The following UNC5C variants were observed in gnomAD, a reference collection of about 807,000 sequenced individuals.
UNC5C encodes netrin receptor UNC5C.
Under a neutral mutation model 99.8 loss-of-function variants are expected in UNC5C, and 47 were observed. That is an observed-to-expected ratio of 0.47 (90% CI 0.37 to 0.60). The LOEUF is 0.60. Among genes scored for constraint, UNC5C ranks in the 20% least tolerant of loss-of-function variants. The pLI is 0.00. For synonymous variants in UNC5C, 487 were observed against 452.2 expected, an observed-to-expected ratio of 1.08 and a Z score of -0.98; for missense variants, 1,062 against 1,165.9, an observed-to-expected ratio of 0.91 and a Z score of 1.30.
chr4:95,314,216 G>A (rs1196671074), intron 2 of UNC5C, among the ~76,000 whole-genome samples: 1 of 152,168 alleles, frequency 6.6e-6, no homozygotes, highest in South Asian at 2.1e-4. Context: ...ATTTTCAGTG[G>A]ACTCGGGCAA....
At chr4:95,310,026 T>A (rs1048365824) in intron 2 of UNC5C, among the ~76,000 whole-genome samples, 1 of 152,140 alleles carries the variant, frequency 6.6e-6, no homozygotes, top group Admixed American at 6.6e-5. Context: ...AGCCAAGACA[T>A]GGGATTAACC....
rs543320888 is a variant in UNC5C, at chr4:95,467,286, C to T, written c.124+81448G>A. 3.9e-5 allele frequency among the ~76,000 whole-genome samples: 6 copies of T among 152,110 alleles called. No individual in the cohort carries two copies. The South Asian group carries it at 1.2e-3, about 32-fold the overall frequency. On this transcript the variant is annotated intron_variant, in intron 1 of 15. Transcript: ENST00000453304. ...AATGTTGGGGTAATTTGTTACGCAGCAATAGATAATGAATGCAATCACTTT... is the reference window on the plus strand; with the variant it reads ...AATGTTGGGGTAATTTGTTACGCAGTAATAGATAATGAATGCAATCACTTT...
chr4:95,371,759 C>T (rs1209315607), intron 1 of UNC5C, among the ~76,000 whole-genome samples: 1 of 152,114 alleles, frequency 6.6e-6, no homozygotes, highest in Non-Finnish European at 1.5e-5. Context: ...CTCACAGTAG[C>T]ATAAAGGACA....
chr4:95,287,095 T>C (rs1741265191), intron 3 of UNC5C, among the ~76,000 whole-genome samples: 1 of 152,152 alleles, frequency 6.6e-6, no homozygotes, highest in African/African-American at 2.4e-5. Context: ...CCCAGAGCCT[T>C]TTGCTTCTGA....
intron 3 of UNC5C, among the ~76,000 whole-genome samples, chr4:95,287,869 A>G (rs907296473): frequency 6.6e-6 from 1 of 152,166 alleles, no homozygotes; most frequent in Non-Finnish European, 1.5e-5. Flanking sequence ...AAATTTAAAA[A>G]ATACTTTGAG....
At chr4:95,367,207 A>AG (rs1744600986) in intron 1 of UNC5C, among the ~76,000 whole-genome samples, 1 of 149,204 alleles carries the variant, frequency 6.7e-6, no homozygotes, top group Non-Finnish European at 1.5e-5. Context: ...TTTTTTTCAA[A>AG]GAAAAATCCA....
chr4:95,368,634 G>A (rs2149437819), intron 1 of UNC5C, among the ~76,000 whole-genome samples: 1 of 152,196 alleles, frequency 6.6e-6, no homozygotes, highest in Middle Eastern at 3.4e-3. Flanking sequence ...TCCAAATCAA[G>A]TGTTTGAGAT....
chr4:95,291,292 C>T (rs1027258827), intron 3 of UNC5C, among the ~76,000 whole-genome samples: 49 of 152,116 alleles, frequency 3.2e-4, no homozygotes, highest in Admixed American at 3.2e-3. Flanking sequence ...AATATGCCAA[C>T]TTTATGGATG....
At chr4:95,180,896 GT>G (rs1736585212) in intron 14 of UNC5C, among the ~76,000 whole-genome samples, 1 of 152,098 alleles carries the variant, frequency 6.6e-6, no homozygotes, top group African/African-American at 2.4e-5. Context: ...TTCTCTACTT[GT>G]TTATGGTTTG....
intron 4 of UNC5C, among the ~76,000 whole-genome samples, chr4:95,252,109 G>C (rs182085963): frequency 1.1e-4 from 17 of 152,184 alleles, no homozygotes; most frequent in South Asian, 2.1e-4. Flanking sequence ...GAGTATCTCT[G>C]AGATATATAC....
rs151093843 is a variant in UNC5C at position 95,200,168 on chromosome 4, C to T, written c.2136+2563G>A. 2.4e-3 allele frequency among the ~76,000 whole-genome samples: 369 copies of T among 152,322 alleles called. 2 individuals carry two copies. The highest frequency in any genetic ancestry group is 4.3e-3 in the Non-Finnish European group (293 of 68,038). ...GCTTCCCAGTGGACTTATCCTGGAACGCTCAGTGTTCATAACCAAGTACTA... is the reference window on the plus strand; with the variant it reads ...GCTTCCCAGTGGACTTATCCTGGAATGCTCAGTGTTCATAACCAAGTACTA... On this transcript the variant is annotated intron_variant, in intron 12 of 15. Coordinates refer to ENST00000453304, the MANE Select transcript of UNC5C (RefSeq NM_003728.4).
intron 1 of UNC5C, among the ~76,000 whole-genome samples, chr4:95,447,914 T>C (rs62308767): frequency 0.39 from 59,619 of 151,936 alleles, 12,065 homozygotes; most frequent in Non-Finnish European, 0.44. Flanking sequence ...GGATATTCTT[T>C]CAGGAAGAAG....
At chr4:95,237,768 C>G (rs1255848439) in intron 7 of UNC5C, among the ~76,000 whole-genome samples, 1 of 152,112 alleles carries the variant, frequency 6.6e-6, no homozygotes, top group Non-Finnish European at 1.5e-5. Context: ...ACTGAACAGA[C>G]CCGGCGCAGT....
intron 1 of UNC5C, among the ~76,000 whole-genome samples, chr4:95,544,388 A>G (rs1723004991): frequency 6.6e-6 from 1 of 152,164 alleles, no homozygotes; most frequent in African/African-American, 2.4e-5. Flanking sequence ...CTTCCAGCCA[A>G]ATCACTGCTC....
chr4:95,430,247 T>C (rs757461043), intron 1 of UNC5C, among the ~76,000 whole-genome samples: 39 of 152,062 alleles, frequency 2.6e-4, no homozygotes, highest in Non-Finnish European at 3.7e-4. Context: ...AGGGAGGCTA[T>C]GCATATGTGG....
chr4:95,394,329 G>A (rs190410684), intron 1 of UNC5C, among the ~76,000 whole-genome samples: 45 of 152,030 alleles, frequency 3.0e-4, no homozygotes, highest in African/African-American at 1.0e-3. Context: ...CGAATGGGGG[G>A]TGCTAACTGT....
chr4:95,476,725 A>G (rs985677906), intron 1 of UNC5C, among the ~76,000 whole-genome samples: 2 of 151,218 alleles, frequency 1.3e-5, no homozygotes, highest in Non-Finnish European at 2.9e-5. Flanking sequence ...AGTATTAAAT[A>G]ATACATATTA....
intron 1 of UNC5C, among the ~76,000 whole-genome samples, chr4:95,380,968 A>T (rs1431845765): frequency 6.6e-6 from 1 of 152,184 alleles, no homozygotes; most frequent in Admixed American, 6.5e-5. Flanking sequence ...GTTGCAATGA[A>T]TATTTGTTAA....
At chr4:95,244,949 C>A (rs369199842) in intron 6 of UNC5C, 28 bp downstream of exon 6, 2 of 1,611,890 alleles carry the variant, frequency 1.2e-6, no homozygotes, top group East Asian at 4.5e-5. Flanking sequence ...ATAGGAGATA[C>A]TTGGAATGAG....
Sources: allele counts gnomAD v4.1 joint callset (sites outside exome capture counted in the v4.1 genomes callset), GRCh38; gene constraint gnomAD v4.1.1; transcripts MANE v1.5; gene names NCBI Gene and HGNC (gene_info 2026-07-23, HGNC 2026-07-21).